Variants in DHX35 observed in about 807,000 individuals in gnomAD.
DHX35 encodes probable ATP-dependent RNA helicase DHX35.
In DHX35, 84 loss-of-function variants were observed where a neutral mutation model predicts 99.6. The ratio of observed to expected loss-of-function variants is 0.84; its 90% CI spans 0.71 to 1.01. The LOEUF is 1.01. DHX35 is among the 50% of genes least tolerant of loss of function. The pLI is 0.00. For missense variants in DHX35, 852 were observed against 888.5 expected (o/e 0.96, Z 0.52); for synonymous variants, 331 against 316.2 (o/e 1.05, Z -0.50).
intron 3 of DHX35, among the ~76,000 whole-genome samples, chr20:38,980,072 A>G (rs1246370513): frequency 6.6e-6 from 1 of 152,086 alleles, no homozygotes; most frequent in Non-Finnish European, 1.5e-5. Flanking sequence ...TTAGCACTAC[A>G]CCTGCTTTTT....
chr20:39,002,040 A>G lies in DHX35; in HGVS notation c.755+198A>G, dbSNP rs563882790. Among the ~76,000 whole-genome samples, 99 of 152,310 alleles carry G rather than the reference A, an allele frequency of 6.5e-4. 2 individuals carry two copies. The highest frequency in any genetic ancestry group is 2.3e-3 in the African/African-American group (96 of 41,558). On this transcript the variant is annotated intron_variant, in intron 9 of 21. Transcript: ENST00000252011. ...TTTAAACTGTTCACACTGACATGCAAGTTTCCGTAAGTCTGTGGCCAGTAG... is the reference window on the plus strand; with the variant it reads ...TTTAAACTGTTCACACTGACATGCAGGTTTCCGTAAGTCTGTGGCCAGTAG...
intron 17 of DHX35, 86 bp downstream of exon 17, chr20:39,023,853 C>A: frequency 1.7e-6 from 2 of 1,149,040 alleles, no homozygotes; most frequent in Non-Finnish European, 1.3e-6. Flanking sequence ...AAGTTCAGTT[C>A]GTAAAGGAAT....
At position 39,036,726 on chromosome 20, in the gene DHX35, CAAAAAAA is replaced by C. The variant is rs60032935; in HGVS notation, c.2068-1753_2068-1747del. ...AGGCGACAGAGCAAGACTGTCCCCCCAAAAAAAAAAAAAAAAAAAAAAAAAAGAAATC... is the reference window on the plus strand; with the variant it reads ...AGGCGACAGAGCAAGACTGTCCCCCCAAAAAAAAAAAAAAAAAAAGAAATC... On this transcript the variant is annotated intron_variant, in intron 21 of 21. Transcript: ENST00000252011. Among the ~76,000 whole-genome samples, 21 of 51,698 alleles carry C rather than the reference CAAAAAAA, an allele frequency of 4.1e-4. No individual in the cohort carries two copies. In the East Asian group the frequency reaches 4.7e-3, roughly 12 times the overall value. 33.9% of individuals were successfully genotyped at this position (51,698 alleles called of 152,430 possible).
chr20:39,018,757 A>G (rs1451988921), intron 14 of DHX35, 47 bp from the exon 15 acceptor site: 1 of 1,577,998 alleles, frequency 6.3e-7, no homozygotes, highest in Non-Finnish European at 8.7e-7. Context: ...GTGCCTTCCA[A>G]CACAATGGTA....
chr20:38,967,070 G>A (rs2085922388), intron 1 of DHX35, among the ~76,000 whole-genome samples: 1 of 152,168 alleles, frequency 6.6e-6, no homozygotes, highest in South Asian at 2.1e-4. Flanking sequence ...TCTGTTCCTG[G>A]AAGTAAATGG....
intron 8 of DHX35, among the ~76,000 whole-genome samples, chr20:38,999,718 T>C (rs2086488962): frequency 6.6e-6 from 1 of 152,234 alleles, no homozygotes; most frequent in Admixed American, 6.5e-5. Context: ...CCTGCACTAT[T>C]ATGATAGCTT....
At position 38,965,443 on chromosome 20, in the gene DHX35, A is replaced by G. The variant is rs963223798; in HGVS notation, c.40+3036A>G. On this transcript the variant is annotated intron_variant, in intron 1 of 21. Transcript: ENST00000252011. The stretch of plus-strand genomic sequence containing the variant: ...ATTACAGAGGTCTTTCAGACAGTCT[A>G]AGTGAGTGAAGTTGCTTACTGGAGG... 6.6e-5 allele frequency among the ~76,000 whole-genome samples: 10 copies of G among 152,334 alleles called. No individual in the cohort carries two copies. In the Middle Eastern group the frequency reaches 0.01, roughly 155 times the overall value.
intron 21 of DHX35, among the ~76,000 whole-genome samples, chr20:39,037,327 T>C (rs1041326257): frequency 2.6e-5 from 4 of 152,248 alleles, no homozygotes; most frequent in Admixed American, 6.5e-5. Flanking sequence ...TTTTTCCTTA[T>C]TCTCAGAGAT....
chr20:38,977,530 G>C (rs925501585), intron 3 of DHX35, among the ~76,000 whole-genome samples: 2 of 151,782 alleles, frequency 1.3e-5, no homozygotes, highest in Non-Finnish European at 2.9e-5. Flanking sequence ...CTACTATTAT[G>C]TCCTATCATG....
chr20:38,962,561 C>G (rs1269814889), intron 1 of DHX35, 154 bp downstream of exon 1: 1 of 891,066 alleles, frequency 1.1e-6, no homozygotes, highest in Admixed American at 2.7e-5. Flanking sequence ...CTGGCTCAGG[C>G]TCCCCAGTGG....
In DHX35 at chr20:38,965,512, G is replaced by A. The variant is rs568405860; in HGVS notation, c.40+3105G>A. ...ACTGTGGCAGAGTGTGCATACACTG[G>A]ATAGTATGTACAGTGGAGATCTACA... On this transcript the variant is annotated intron_variant, in intron 1 of 21. Transcript: ENST00000252011. Among the ~76,000 whole-genome samples, 3 of 152,084 alleles carry A rather than the reference G, an allele frequency of 2.0e-5. No individual in the cohort carries two copies. In the South Asian group the frequency reaches 6.3e-4, roughly 32 times the overall value.
At position 39,034,809 on chromosome 20, in the gene DHX35, G is replaced by A. The variant is rs543981679; in HGVS notation, c.2067+492G>A. ...TTTTTGTATTTTTAATAGAGACAAC[G>A]GTTTCACCATGTTGGCCAGGCTGGT... is the stretch of plus-strand genomic sequence containing the variant. On this transcript the variant is annotated intron_variant, in intron 21 of 21. Transcript: ENST00000252011. Among the ~76,000 whole-genome samples, 350 of 146,178 alleles carry A rather than the reference G, an allele frequency of 2.4e-3. 2 individuals are homozygous for A. The highest frequency in any genetic ancestry group is 8.7e-3 in the African/African-American group (341 of 39,282).
In DHX35 at chr20:38,992,352, T is replaced by C; in HGVS notation, c.513-4T>C. ...CTCACTGAGAGCTTCTCTTTGATTC[T>C]TAGTGTCATCATGCTGGATGAAGCC... is the stretch of plus-strand genomic sequence containing the variant. On this transcript the variant is annotated splice_polypyrimidine_tract_variant and splice_region_variant and intron_variant, in intron 6 of 21. Coordinates refer to ENST00000252011, the MANE Select transcript of DHX35 (RefSeq NM_021931.4). 6.2e-7 allele frequency: 1 copy of C among 1,613,976 alleles called. No individual in the cohort carries two copies.
chr20:39,000,272 T>A (rs2086497034), intron 8 of DHX35, among the ~76,000 whole-genome samples: 1 of 152,230 alleles, frequency 6.6e-6, no homozygotes, highest in Non-Finnish European at 1.5e-5. Context: ...TGCAGCTCTT[T>A]CCTGGTCACA....
chr20:38,969,555 A>G (rs761545835), intron 2 of DHX35, among the ~76,000 whole-genome samples: 28 of 152,216 alleles, frequency 1.8e-4, no homozygotes, highest in Non-Finnish European at 3.8e-4. Context: ...TTACCAACAT[A>G]TGGCCAATTT....
chr20:38,972,714 A>T, intron 3 of DHX35, 63 bp downstream of exon 3: 1 of 1,106,504 alleles, frequency 9.0e-7, no homozygotes, highest in Non-Finnish European at 1.4e-6. Context: ...TTGTAACTTG[A>T]GAGCTCTCTT....
intron 3 of DHX35, among the ~76,000 whole-genome samples, chr20:38,982,625 C>G (rs542890509): frequency 3.3e-5 from 5 of 152,108 alleles, no homozygotes; most frequent in African/African-American, 1.2e-4. Flanking sequence ...TCCCTGTTCC[C>G]CTCCCTCCAT....
chr20:39,003,747 A>G lies in DHX35; in HGVS notation c.853-2A>G. 6.2e-7 allele frequency: 1 copy of G among 1,607,406 alleles called. No homozygotes were observed. The highest frequency in any genetic ancestry group is 8.5e-7 in the Non-Finnish European group (1 of 1,174,480). On this transcript the variant is annotated splice_acceptor_variant, in intron 10 of 21. Transcript: ENST00000252011. LOFTEE classifies it high-confidence loss of function. ...CTTTGGTTCCTGGTTCAACGTCTTT[A>G]GGAAGAGGTAGAAACTGTTGTGTCG... is the stretch of plus-strand genomic sequence containing the variant.
rs199985100 is a variant in DHX35, at chr20:39,006,230, C to A, written c.1096C>A (p.Arg366=). 6.2e-7 allele frequency: 1 copy of A among 1,614,094 alleles called. No homozygotes were observed. The highest frequency in any genetic ancestry group is 2.2e-5 in the East Asian group (1 of 44,878). The change falls in exon 12 of 22, where the codon CGA becomes AGA. Residue 366 remains arginine (R), a synonymous_variant. Coordinates refer to ENST00000252011, the MANE Select transcript of DHX35 (RefSeq NM_021931.4). ...YVIDCGFVKL[R]AYNPRTAIEC... The stretch of plus-strand genomic sequence containing the variant: ...GATCGACTGTGGCTTTGTGAAACTC[C>A]GAGCCTACAATCCCAGGACAGCTAT...
Sources: allele counts gnomAD v4.1 joint callset (sites outside exome capture counted in the v4.1 genomes callset), GRCh38; gene constraint gnomAD v4.1.1; transcripts MANE v1.5; gene names NCBI Gene and HGNC (gene_info 2026-07-23, HGNC 2026-07-21).